The following ARHGAP33 variants were observed in gnomAD, a reference collection of about 807,000 sequenced individuals.
The protein encoded by ARHGAP33 is rho GTPase-activating protein 33.
Under a neutral mutation model 126.2 loss-of-function variants are expected in ARHGAP33, and 57 were observed. The observed-to-expected ratio is 0.45, with a 90% CI of 0.36 to 0.56. The LOEUF (loss-of-function observed/expected upper bound fraction) is 0.56, where lower values mean the gene tolerates loss of function less well. ARHGAP33 is among the 20% of genes least tolerant of loss of function. The pLI, the probability that ARHGAP33 is intolerant of heterozygous loss-of-function variation, is 0.00. For synonymous variants in ARHGAP33, 711 were observed against 755.0 expected (o/e 0.94, Z 0.95); for missense variants, 1,500 against 1,748.3 (o/e 0.86, Z 2.53).
Position 35,787,364 on chromosome 19 carries a change from C to T in ARHGAP33, c.2799C>T (p.Arg933=). ...CTGCTTCCCAATCCCCCTTCCACCG[C>T]TCGCTGTCTCTGGAGGTGGGCGGGG... ...TPPASQSPFH[R]SLSLEVGGEP... The change falls in exon 21 of 21, where the codon CGC becomes CGT. Residue 933 remains arginine (R), a synonymous_variant. Coordinates refer to ENST00000007510, the MANE Select transcript of ARHGAP33 (RefSeq NM_001366178.1). The T allele has an allele frequency of 6.2e-7, 1 of 1,610,092 alleles. No individual in the cohort carries two copies. Among genetic ancestry groups the T allele is most frequent in the Non-Finnish European group, 8.5e-7 (1 of 1,177,882 alleles).
rs745597543 is a variant in ARHGAP33 at position 35,786,659 on chromosome 19, G to C, written c.2189G>C (p.Arg730Pro). ...DGDELDFSPPRCLEGLRGLDF... is the reference protein window; with the variant it reads ...DGDELDFSPPPCLEGLRGLDF... ...GATGAGCTGGACTTCAGCCCACCCC[G>C]CTGCCTGGAGGGACTCCGGGGGCTG... Residue 730 changes from arginine to proline, a missense_variant, in exon 20 of 21, where the codon CGC (arginine) becomes CCC (proline). Arg to Pro is a moderately radical substitution (Grantham distance 103). Coordinates refer to ENST00000007510, the MANE Select transcript of ARHGAP33 (RefSeq NM_001366178.1). The surrounding 1 kb of genome is among the most constrained non-coding windows in gnomAD (Gnocchi z 7.0). 1 of 1,535,630 alleles carries C rather than the reference G, an allele frequency of 6.5e-7. No homozygotes were observed. Among genetic ancestry groups the C allele is most frequent in the Admixed American group, 2.0e-5 (1 of 50,960 alleles).
chr19:35,780,366 C>T (rs1417675759), intron 7 of ARHGAP33, 33 bp downstream of exon 7: 1 of 1,612,294 alleles, frequency 6.2e-7, no homozygotes, highest in Non-Finnish European at 8.5e-7. Context: ...TCCAGCTGGG[C>T]TCCCCACACC....
At chr19:35,777,770 C>G (rs1248423118) in intron 2 of ARHGAP33, 28 bp downstream of exon 2, 3 of 1,613,460 alleles carry the variant, frequency 1.9e-6, no homozygotes, top group Non-Finnish European at 2.5e-6. Context: ...AAGGGCTCAG[C>G]TAGGAGCTGG....
rs780908772 is a variant in ARHGAP33, at chr19:35,784,219, G to A, written c.1469G>A (p.Arg490Gln). Residue 490 changes from arginine (R) to glutamine (Q), a missense_variant, in exon 16 of 21, where the codon CGG (arginine) becomes CAG (glutamine). Coordinates refer to ENST00000007510, the MANE Select transcript of ARHGAP33 (RefSeq NM_001366178.1). ...SVGMGGAAAFREVRVQSVVVE... is the reference protein window; with the variant it reads ...SVGMGGAAAFQEVRVQSVVVE... The stretch of plus-strand genomic sequence containing the variant: ...GGAATGGGTGGCGCGGCGGCGTTCC[G>A]GGAAGTTCGGGTGCAGTCGGTGGTG... 19 of 1,611,770 alleles carry A rather than the reference G, an allele frequency of 1.2e-5. No individual in the cohort carries two copies. The highest frequency in any genetic ancestry group is 2.2e-5 in the South Asian group (2 of 90,966).
At position 35,788,416 on chromosome 19, in the gene ARHGAP33, G is replaced by C; in HGVS notation, c.3851G>C (p.Arg1284Pro). 1 of 1,569,096 alleles carries C rather than the reference G, an allele frequency of 6.4e-7. No individual in the cohort carries two copies. The highest frequency in any genetic ancestry group is 8.6e-7 in the Non-Finnish European group (1 of 1,157,630). ...TCCCTCCACTCTGAGGGCCAGACCC[G>C]AAGCTACTGCTGAGCACCAGCTGGG... Reference protein sequence around the residue: ...SWSLHSEGQTRSYC With the variant: ...SWSLHSEGQTPSYC The change falls in exon 21 of 21, where the codon CGA becomes CCA. Residue 1284 changes from arginine (R) to proline (P), a missense_variant. Physicochemically the swap from Arg to Pro is moderately radical, Grantham distance 103 (BLOSUM62 -2). Coordinates refer to ENST00000007510, the MANE Select transcript of ARHGAP33 (RefSeq NM_001366178.1).
chr19:35,786,279 A>G lies in ARHGAP33; in HGVS notation c.1943-134A>G. On this transcript the variant is annotated intron_variant, in intron 19 of 20. Transcript: ENST00000007510. The surrounding 1 kb of genome is among the most constrained non-coding windows in gnomAD (Gnocchi z 7.0). ...GTCCTCTTCATGGTCTCCACTGTCA[A>G]TCTGAACAGCTCTTCCTGGCTTCAC... The G allele has an allele frequency of 8.4e-6, 12 of 1,432,872 alleles. No homozygotes were observed. The highest frequency in any genetic ancestry group is 1.1e-5 in the Non-Finnish European group (12 of 1,097,934). 88.8% of individuals were successfully genotyped at this position (1,432,872 alleles called of 1,614,324 possible).
chr19:35,778,983 G>T (rs1417403272), intron 5 of ARHGAP33, 49 bp from the exon 6 acceptor site: 2 of 1,448,220 alleles, frequency 1.4e-6, no homozygotes, highest in East Asian at 5.0e-5. Context: ...AGGGCAGTGG[G>T]CTCTCTCACG....
At chr19:35,780,871 T>C (rs377549144) in intron 10 of ARHGAP33, 49 bp from the exon 11 acceptor site, 6 of 1,612,782 alleles carry the variant, frequency 3.7e-6, no homozygotes, top group Middle Eastern at 3.3e-4. Flanking sequence ...CCCCTGGCCA[T>C]GCTGACCCCA....
In ARHGAP33 at chr19:35,786,784, C is replaced by G. The variant is rs1360139579; in HGVS notation, c.2314C>G (p.Pro772Ala). ...CCCCGCCCCTGCCTCTGCCTTCCCA[C>G]CCAGGGTGACCCCCCAGGCCATCTC... ...APPAPASAFP[P>A]RVTPQAISPR... Residue 772 changes from proline (P) to alanine (A), a missense_variant, in exon 20 of 21, where the codon CCC becomes GCC. By Grantham distance (27) the Pro-to-Ala change is conservative. Around this residue, in one of 6 missense-constraint regions of ARHGAP33, gnomAD observed 73 missense variants for 110.8 expected, o/e 0.66. Transcript: ENST00000007510. This position sits in a 1 kb window ranked among gnomAD's most constrained non-coding sequence, Gnocchi z 7.0. The G allele has an allele frequency of 6.6e-7, 1 of 1,517,210 alleles. No individual in the cohort carries two copies. The highest frequency in any genetic ancestry group is 1.2e-5 in the South Asian group (1 of 80,794). The allele number at this position is 1,517,210 out of a possible 1,614,324, so 94.0% of individuals were successfully genotyped here. A position where few individuals can be genotyped will look rare whatever the true frequency, so the allele number is the denominator to read the frequency against.
At position 35,779,139 on chromosome 19, in the gene ARHGAP33, G is replaced by A. The variant is rs769821012; in HGVS notation, c.501+15G>A. ...CCTGGATGGAGGTGGGCCTGGGCAG[G>A]GGGCTTGGAGATTCCGAGTGGGTGA... is the stretch of plus-strand genomic sequence containing the variant. On this transcript the variant is annotated intron_variant, in intron 6 of 20. Transcript: ENST00000007510. The A allele has an allele frequency of 6.5e-7, 1 of 1,547,174 alleles. No individual in the cohort carries two copies. The highest frequency in any genetic ancestry group is 1.2e-5 in the South Asian group (1 of 83,860).
chr19:35,778,719 C>A, intron 5 of ARHGAP33, 118 bp downstream of exon 5: 1 of 1,344,440 alleles, frequency 7.4e-7, no homozygotes, highest in Non-Finnish European at 9.9e-7. Flanking sequence ...AAGTCCCAAC[C>A]AATCTGAATG....
At position 35,785,341 on chromosome 19, in the gene ARHGAP33, G is replaced by A. The variant is rs1568430746; in HGVS notation, c.1867+7G>A. The A allele has an allele frequency of 6.2e-7, 1 of 1,613,606 alleles. No individual in the cohort carries two copies. Among genetic ancestry groups the A allele is most frequent in the East Asian group, 2.2e-5 (1 of 44,854 alleles). On this transcript the variant is annotated splice_region_variant and intron_variant, in intron 18 of 20. Coordinates refer to ENST00000007510, the MANE Select transcript of ARHGAP33 (RefSeq NM_001366178.1). The stretch of plus-strand genomic sequence containing the variant: ...GCCCCACCGCAGCCTTCAGGTGAGA[G>A]GCTGAGCCATGGGCTGGTGGGCAGC...
In ARHGAP33 at chr19:35,780,625, G is replaced by A. The variant is rs764058770; in HGVS notation, c.746G>A (p.Arg249Gln). 9.3e-6 allele frequency: 15 copies of A among 1,612,676 alleles called. No individual in the cohort carries two copies. Among genetic ancestry groups the A allele is most frequent in the East Asian group, 2.2e-5 (1 of 44,806 alleles). Residue 249 changes from arginine (R) to glutamine (Q), a missense_variant, in exon 9 of 21, where the codon CGG becomes CAG. This residue lies in a region of ARHGAP33 where 281 missense variants were observed against 413.7 expected (regional missense o/e 0.68). Coordinates refer to ENST00000007510, the MANE Select transcript of ARHGAP33 (RefSeq NM_001366178.1). ...PSECVELFTE[R>Q]PGPGLKADAD... The stretch of plus-strand genomic sequence containing the variant: ...GAGTGTGTGGAACTCTTCACAGAGC[G>A]GCCAGGTCCGGGCCTGAAGGCGGGT...
intron 15 of ARHGAP33, among the ~76,000 whole-genome samples, chr19:35,783,072 A>G (rs949890559): frequency 3.3e-5 from 5 of 152,216 alleles, no homozygotes; most frequent in African/African-American, 1.2e-4. Context: ...GAGGAGATGG[A>G]CCATGAACAT....
chr19:35,788,130 C>A lies in ARHGAP33; in HGVS notation c.3565C>A (p.Pro1189Thr). ...PSPASSSSSS[P>T]PAHPRSRSDP... ...ACCTGCCTCTTCCTCCTCCTCTTCC[C>A]CTCCTGCCCACCCCCGAAGCCGTTC... Residue 1189 changes from proline to threonine, a missense_variant, in exon 21 of 21, where the codon CCT becomes ACT. Physicochemically the swap from Pro to Thr is conservative, Grantham distance 38. Transcript: ENST00000007510. 6.2e-7 allele frequency: 1 copy of A among 1,611,456 alleles called. No homozygotes were observed. The highest frequency in any genetic ancestry group is 8.5e-7 in the Non-Finnish European group (1 of 1,178,918).
At chr19:35,778,718 C>A in intron 5 of ARHGAP33, 117 bp downstream of exon 5, 1 of 1,359,280 alleles carries the variant, frequency 7.4e-7, no homozygotes. Flanking sequence ...CAAGTCCCAA[C>A]CAATCTGAAT....
At position 35,786,838 on chromosome 19, in the gene ARHGAP33, C is replaced by T. The variant is rs1379815967; in HGVS notation, c.2368C>T (p.Pro790Ser). ...CCGGGGGCCCACCAGCCCCGCCTCG[C>T]CTGCTGCCCTAGACATCTCAGAGCC... ...SPRGPTSPAS[P>S]AALDISEPLA... is the part of the protein sequence containing the mutation. Residue 790 changes from proline (P) to serine (S), a missense_variant, in exon 20 of 21, where the codon CCT (proline) becomes TCT (serine). This residue lies in a region of ARHGAP33 where 73 missense variants were observed against 110.8 expected (regional missense o/e 0.66). Coordinates refer to ENST00000007510, the MANE Select transcript of ARHGAP33 (RefSeq NM_001366178.1). The surrounding 1 kb of genome is among the most constrained non-coding windows in gnomAD (Gnocchi z 7.0). The T allele has an allele frequency of 5.7e-6, 9 of 1,574,942 alleles. 1 individual carries two copies. The highest frequency in any genetic ancestry group is 6.9e-6 in the Non-Finnish European group (8 of 1,163,534).
At chr19:35,781,867 G>C (rs577219401) in intron 12 of ARHGAP33, among the ~76,000 whole-genome samples, 1 of 152,194 alleles carries the variant, frequency 6.6e-6, no homozygotes, top group African/African-American at 2.4e-5. Flanking sequence ...GTCTAGAGGC[G>C]GGGAGGAGCC....
In ARHGAP33 at chr19:35,788,171, A is replaced by T. The variant is rs1490198396; in HGVS notation, c.3606A>T (p.Pro1202=). The stretch of plus-strand genomic sequence containing the variant: ...GAAGCCGTTCAGATCCCGGTCCCCC[A>T]GTCCCCCGCCTTCCCCAGAAACAAC... ...HPRSRSDPGP[P]VPRLPQKQRA... The change falls in exon 21 of 21, where the codon CCA becomes CCT. Residue 1202 remains proline, a synonymous_variant. Transcript: ENST00000007510. The T allele has an allele frequency of 7.2e-7, 1 of 1,390,194 alleles. No individual in the cohort carries two copies. Among genetic ancestry groups the T allele is most frequent in the Non-Finnish European group, 9.5e-7 (1 of 1,053,426 alleles). 86.1% of individuals were successfully genotyped at this position (1,390,194 alleles called of 1,614,324 possible). A position where few individuals can be genotyped will look rare whatever the true frequency, so the allele number is the denominator to read the frequency against.
Sources: gnomAD v4.1 joint callset for allele counts (sites outside exome capture counted in the v4.1 genomes callset) on GRCh38, gnomAD v4.1.1 for gene constraint, gnomAD v4.1.1 regional missense constraint, Gnocchi (gnomAD v3.1) non-coding constraint, MANE v1.5 for transcripts, NCBI Gene and HGNC (gene_info 2026-07-23, HGNC 2026-07-21) for gene names.